SNX29: variants seen among roughly 807,000 people sequenced by gnomAD.
SNX29 encodes sorting nexin-29.
In SNX29, 78 loss-of-function variants were observed where a neutral mutation model predicts 102.1. The observed-to-expected ratio is 0.76, with a 90% confidence interval of 0.64 to 0.92. The LOEUF (loss-of-function observed/expected upper bound fraction) is 0.92, where lower values mean the gene tolerates loss of function less well. SNX29 is among the 40% of genes least tolerant of loss of function. The pLI is 0.00. For synonymous variants in SNX29, 580 were observed against 414.5 expected, an observed-to-expected ratio of 1.40 and a Z score of -4.85; for missense variants, 1,280 against 1,061.7, an observed-to-expected ratio of 1.21 and a Z score of -2.86.
In SNX29 at chr16:12,569,778, G is replaced by A; in HGVS notation, c.*1149G>A. 4.3e-6 allele frequency: 1 copy of A among 230,416 alleles called. No individual in the cohort carries two copies. Among genetic ancestry groups the A allele is most frequent in the Non-Finnish European group, 8.6e-6 (1 of 116,202 alleles). 14.3% of individuals were successfully genotyped at this position (230,416 alleles called of 1,614,324 possible). A position where few individuals can be genotyped will look rare whatever the true frequency, so the allele number is the denominator to read the frequency against. On this transcript the variant is annotated 3_prime_UTR_variant, in exon 21 of 21. Coordinates refer to ENST00000566228, the MANE Select transcript of SNX29 (RefSeq NM_032167.5). ...AGCTCACATCAGAGCACCTCACAGA[G>A]CAATAGCCGTCCTCAGATGCTCAGC...
At chr16:12,393,747 T>C (rs535830773) in intron 16 of SNX29, among the ~76,000 whole-genome samples, 38 of 152,400 alleles carry the variant, frequency 2.5e-4, no homozygotes, top group Non-Finnish European at 5.4e-4. Context: ...TAGCTTACAA[T>C]AATACTTGCT....
At chr16:12,344,367 T>C (rs4781205) in intron 15 of SNX29, among the ~76,000 whole-genome samples, 61,461 of 151,908 alleles carry the variant, frequency 0.4, 14,236 homozygotes, top group Non-Finnish European at 0.55. Context: ...TAGCTTTGCC[T>C]AGGACTAAAC....
At chr16:12,515,416 AAT>A (rs1476872374) in intron 19 of SNX29, 1 of 441,352 alleles carries the variant, frequency 2.3e-6, no homozygotes. Context: ...TGAGAGGATG[AAT>A]GATTGCACCC....
At chr16:12,461,969 AAAAAAAAAAAT>A (rs1430470892) in intron 18 of SNX29, among the ~76,000 whole-genome samples, 3 of 75,226 alleles carry the variant, frequency 4.0e-5, no homozygotes, top group African/African-American at 2.1e-4. Context: ...AAAAAAAAAA[AAAAAAAAAAAT>A]ATATATATAT....
At chr16:12,273,022 A>G (rs902965663) in intron 14 of SNX29, among the ~76,000 whole-genome samples, 4 of 152,204 alleles carry the variant, frequency 2.6e-5, no homozygotes, top group South Asian at 2.1e-4. Flanking sequence ...TGGAAATGCT[A>G]TCTACAGCTG....
At chr16:12,555,976 C>G (rs755855823) in intron 20 of SNX29, among the ~76,000 whole-genome samples, 3 of 147,172 alleles carry the variant, frequency 2.0e-5, no homozygotes, top group African/African-American at 7.4e-5. Context: ...GCGTGGCTTT[C>G]AATTTTCAAG....
intron 20 of SNX29, chr16:12,546,578 T>C (rs553307901): frequency 1.3e-5 from 2 of 152,358 alleles, no homozygotes; most frequent in South Asian, 4.1e-4. Flanking sequence ...GGTTTGGCTG[T>C]GTCCCCACCC....
chr16:12,567,878 G>T (rs1169844275), intron 20 of SNX29, among the ~76,000 whole-genome samples: 1 of 152,118 alleles, frequency 6.6e-6, no homozygotes, highest in Non-Finnish European at 1.5e-5. Context: ...TGTGCCGAGG[G>T]CCTCCCACAC....
At chr16:12,382,100 C>A (rs1415976141) in intron 16 of SNX29, among the ~76,000 whole-genome samples, 1 of 152,056 alleles carries the variant, frequency 6.6e-6, no homozygotes, top group Non-Finnish European at 1.5e-5. Context: ...CACCCGGGTT[C>A]CACATCAAGG....
At chr16:12,532,679 G>A (rs770046093) in intron 20 of SNX29, among the ~76,000 whole-genome samples, 1 of 152,206 alleles carries the variant, frequency 6.6e-6, no homozygotes, top group Non-Finnish European at 1.5e-5. Context: ...GGATCACAGA[G>A]GTTACGAAGT....
At chr16:12,505,340 C>T (rs1331342495) in intron 19 of SNX29, among the ~76,000 whole-genome samples, 1 of 151,924 alleles carries the variant, frequency 6.6e-6, no homozygotes, top group Non-Finnish European at 1.5e-5. Flanking sequence ...CTAGCATATT[C>T]GGTGTCTGGT....
At chr16:12,090,199 A>G (rs1046739061) in intron 11 of SNX29, 2 of 152,710 alleles carry the variant, frequency 1.3e-5, no homozygotes, top group Non-Finnish European at 1.5e-5. Context: ...AAATGAGGAC[A>G]TTCTCACCGG....
At chr16:12,476,767 C>A (rs374911202) in intron 18 of SNX29, among the ~76,000 whole-genome samples, 2 of 151,894 alleles carry the variant, frequency 1.3e-5, no homozygotes, top group South Asian at 2.1e-4. Flanking sequence ...ATTCTATGGT[C>A]GCCATACTAG....
At chr16:12,541,331 C>G (rs972968237) in intron 20 of SNX29, among the ~76,000 whole-genome samples, 1 of 152,152 alleles carries the variant, frequency 6.6e-6, no homozygotes, top group Non-Finnish European at 1.5e-5. Context: ...CTTCTGAGTG[C>G]CAGAATTACC....
At chr16:12,185,481 C>A (rs970806789) in intron 13 of SNX29, among the ~76,000 whole-genome samples, 3 of 152,196 alleles carry the variant, frequency 2.0e-5, no homozygotes, top group Non-Finnish European at 1.5e-5. Flanking sequence ...CTCCTACTCG[C>A]CCTGCAAACG....
chr16:12,415,398 A>T (rs2084587632), intron 18 of SNX29, among the ~76,000 whole-genome samples: 1 of 152,244 alleles, frequency 6.6e-6, no homozygotes, highest in African/African-American at 2.4e-5. Flanking sequence ...TTTCATACTC[A>T]CACACAGCAT....
chr16:12,107,696 C>T (rs1001535708), intron 11 of SNX29, among the ~76,000 whole-genome samples: 1 of 152,072 alleles, frequency 6.6e-6, no homozygotes, highest in African/African-American at 2.4e-5. Context: ...AGAAGAGAAT[C>T]GAGGTGACGA....
At chr16:12,489,763 T>C (rs922990395) in intron 19 of SNX29, among the ~76,000 whole-genome samples, 1 of 152,198 alleles carries the variant, frequency 6.6e-6, no homozygotes, top group African/African-American at 2.4e-5. Flanking sequence ...CATTCTCTCT[T>C]CTTCCTCCCC....
chr16:12,065,955 G>A (rs2051015034), intron 9 of SNX29, among the ~76,000 whole-genome samples: 1 of 152,122 alleles, frequency 6.6e-6, no homozygotes. Flanking sequence ...TATCTGTCTT[G>A]GGGGCCTTAA....
Sources: allele counts gnomAD v4.1 joint callset (sites outside exome capture counted in the v4.1 genomes callset), GRCh38; gene constraint gnomAD v4.1.1; transcripts MANE v1.5; gene names NCBI Gene and HGNC (gene_info 2026-07-23, HGNC 2026-07-21).